CYP27C1: variants seen among roughly 807,000 people sequenced by gnomAD.
CYP27C1 encodes cytochrome P450 family 27 subfamily C member 1.
A neutral mutation model predicts 40.6 loss-of-function variants in CYP27C1; 29 were observed. The observed-to-expected ratio is 0.71, with a 90% confidence interval of 0.53 to 0.97. The LOEUF (loss-of-function observed/expected upper bound fraction) is 0.97. Ranked by LOEUF, CYP27C1 falls within the 50% of genes least tolerant of loss-of-function variation. The probability of loss-of-function intolerance (pLI) is 0.00; values close to 1 mark genes in which losing one functional copy is unlikely to be tolerated. For missense variants in CYP27C1, 390 were observed against 485.8 expected (o/e 0.80, Z 1.85); for synonymous variants, 198 against 186.8 (o/e 1.06, Z -0.49).
At chr2:127,202,097 T>C (rs1248157512) in intron 3 of CYP27C1, among the ~76,000 whole-genome samples, 2 of 151,590 alleles carry the variant, frequency 1.3e-5, no homozygotes, top group Non-Finnish European at 2.9e-5. Context: ...TTTTTTTTTT[T>C]ACACAAACAT....
chr2:127,194,103 C>T (rs888604494), intron 6 of CYP27C1, among the ~76,000 whole-genome samples: 8 of 152,200 alleles, frequency 5.3e-5, no homozygotes, highest in African/African-American at 1.9e-4. Context: ...ATTTGCAAAA[C>T]ACAAAGCCAA....
chr2:127,189,535 G>C (rs113681547), intron 8 of CYP27C1, among the ~76,000 whole-genome samples: 18,567 of 151,336 alleles, frequency 0.12, 1,209 homozygotes, highest in African/African-American at 0.14. Flanking sequence ...ACGGGTTGAT[G>C]GGTGCAGCAA....
intron 3 of CYP27C1, among the ~76,000 whole-genome samples, chr2:127,202,961 G>A (rs1368765895): frequency 1.3e-5 from 2 of 152,094 alleles, no homozygotes; most frequent in African/African-American, 2.4e-5. Flanking sequence ...GAGGTCAGGA[G>A]TTCGAGACCA....
chr2:127,204,485 AAAGG>A lies in CYP27C1; in HGVS notation c.474-918_474-915del, dbSNP rs369842924. ...GAAAGAAAGAAAGAAAGAAAGAAAGAAAGGAAGGAAGGAAGGAAGGAAAGAAAGA... is the reference window on the plus strand; with the variant it reads ...GAAAGAAAGAAAGAAAGAAAGAAAGAAAGGAAGGAAGGAAGGAAAGAAAGA... On this transcript the variant is annotated intron_variant, in intron 2 of 8. Transcript: ENST00000664447. 8.7e-3 allele frequency among the ~76,000 whole-genome samples: 526 copies of A among 60,220 alleles called. 58 individuals are homozygous for A. The highest frequency in any genetic ancestry group is 0.016 in the Admixed American group (70 of 4,332). 39.5% of individuals were successfully genotyped at this position (60,220 alleles called of 152,430 possible).
intron 1 of CYP27C1, among the ~76,000 whole-genome samples, chr2:127,213,143 A>C (rs11690049): frequency 0.18 from 26,931 of 152,078 alleles, 2,880 homozygotes; most frequent in East Asian, 0.29. Flanking sequence ...GAGAACTACA[A>C]ACCACTGCTC....
chr2:127,206,297 TTG>T (rs2104694751), intron 1 of CYP27C1, among the ~76,000 whole-genome samples: 1 of 142,638 alleles, frequency 7.0e-6, no homozygotes, highest in African/African-American at 3.0e-5. Flanking sequence ...TTCCGTTTGT[TTG>T]TTTGTTTGTT....
At chr2:127,203,195 C>T (rs1329988368) in intron 3 of CYP27C1, among the ~76,000 whole-genome samples, 177 bp downstream of exon 3, 2 of 151,254 alleles carry the variant, frequency 1.3e-5, no homozygotes, top group Non-Finnish European at 2.9e-5. Flanking sequence ...GTCTCAGTTT[C>T]CTCATTGGTC....
intron 2 of CYP27C1, among the ~76,000 whole-genome samples, chr2:127,204,524 A>AG (rs1683153820): frequency 7.4e-5 from 3 of 40,722 alleles, no homozygotes; most frequent in African/African-American, 2.7e-4. Flanking sequence ...AAGGAAAGAA[A>AG]GAAAGAAAGA....
rs189873616 is a variant in CYP27C1, at chr2:127,194,933, G to A, written c.1214+402C>T. Among the ~76,000 whole-genome samples, 15 of 150,866 alleles carry A rather than the reference G, an allele frequency of 9.9e-5. 1 individual carries two copies. The East Asian group carries it at 2.9e-3, about 29-fold the overall frequency. On this transcript the variant is annotated intron_variant, in intron 6 of 8. Coordinates refer to ENST00000664447, the MANE Select transcript of CYP27C1 (RefSeq NM_001367502.1). Reference sequence around the variant, plus strand: ...TTGGCTCCATCACCTAACTTCAAGCGATTCTCTTGCCCCAGCCTCCCAAGT... The same window carrying A: ...TTGGCTCCATCACCTAACTTCAAGCAATTCTCTTGCCCCAGCCTCCCAAGT...
intron 8 of CYP27C1, among the ~76,000 whole-genome samples, chr2:127,190,342 C>CTTTTTTTTTTTTTT (rs1241035422): frequency 1.7e-3 from 165 of 96,632 alleles, no homozygotes; most frequent in East Asian, 2.8e-3. Context: ...TTTTTTTTTT[C>CTTTTTTTTTTTTTT]TTTTTTTTTT....
chr2:127,194,718 T>A (rs2104678606), intron 6 of CYP27C1, among the ~76,000 whole-genome samples: 1 of 152,328 alleles, frequency 6.6e-6, no homozygotes, highest in Admixed American at 6.5e-5. Flanking sequence ...TCGATCTTGT[T>A]TCGTGTTATC....
rs780117712 is a variant in CYP27C1, at chr2:127,195,604, A to G, written c.1048-103T>C. The G allele has an allele frequency of 1.7e-6, 2 of 1,207,646 alleles. No individual in the cohort carries two copies. Among genetic ancestry groups the G allele is most frequent in the Non-Finnish European group, 2.3e-6 (2 of 862,944 alleles). 74.8% of individuals were successfully genotyped at this position (1,207,646 alleles called of 1,614,324 possible). ...AGTCCCCTGGGAATACACACAGCAC[A>G]AAGTCAAACTCATCCAATTCCATAT... On this transcript the variant is annotated intron_variant, in intron 5 of 8. Coordinates refer to ENST00000664447, the MANE Select transcript of CYP27C1 (RefSeq NM_001367502.1). This position sits in a 1 kb window ranked among gnomAD's most constrained non-coding sequence, Gnocchi z 6.2.
rs184827347 is a variant in CYP27C1, at chr2:127,208,295, C to G, written c.283-2205G>C. On this transcript the variant is annotated intron_variant, in intron 1 of 8. Coordinates refer to ENST00000664447, the MANE Select transcript of CYP27C1 (RefSeq NM_001367502.1). The surrounding 1 kb of genome is among the most constrained non-coding windows in gnomAD (Gnocchi z 5.2). ...AGCCACACGGGGAAGGGAACCCACT[C>G]CCCCCAGCCAAGGGAGGTGGTGAGT... Among the ~76,000 whole-genome samples the G allele has an allele frequency of 6.6e-6, 1 of 152,090 alleles. No homozygotes were observed. Among genetic ancestry groups the G allele is most frequent in the African/African-American group, 2.4e-5 (1 of 41,406 alleles).
intron 1 of CYP27C1, among the ~76,000 whole-genome samples, chr2:127,206,794 G>T (rs2104695174): frequency 6.6e-6 from 1 of 152,256 alleles, no homozygotes; most frequent in East Asian, 1.9e-4. Context: ...TGGACAGTCT[G>T]TAACGAGCCT....
chr2:127,216,145 G>T (rs531032755), intron 1 of CYP27C1, among the ~76,000 whole-genome samples: 2 of 152,126 alleles, frequency 1.3e-5, no homozygotes, highest in Admixed American at 1.3e-4. Flanking sequence ...TCTTCAAAAG[G>T]TTAAATATAG....
At chr2:127,191,225 C>T (rs567288514) in intron 8 of CYP27C1, among the ~76,000 whole-genome samples, 186 of 152,200 alleles carry the variant, frequency 1.2e-3, no homozygotes, top group African/African-American at 4.1e-3. Context: ...AGCCTGGCGA[C>T]AGAGCAAGAC....
chr2:127,198,786 T>G (rs1262730635), intron 5 of CYP27C1, among the ~76,000 whole-genome samples: 1 of 152,192 alleles, frequency 6.6e-6, no homozygotes, highest in Non-Finnish European at 1.5e-5. Context: ...CCTAGGTATG[T>G]GGTAGGCTAC....
In CYP27C1 at chr2:127,211,383, T is replaced by G. The variant is rs1352758425; in HGVS notation, c.283-5293A>C. ...AGTGTTTTTTTGTTTTTTTTTTTTT[T>G]TTTTTTTTTTTTTTTTTGAGATGGA... On this transcript the variant is annotated intron_variant, in intron 1 of 8. Coordinates refer to ENST00000664447, the MANE Select transcript of CYP27C1 (RefSeq NM_001367502.1). Among the ~76,000 whole-genome samples, 83 of 133,286 alleles carry G rather than the reference T, an allele frequency of 6.2e-4. 1 individual carries two copies. Among genetic ancestry groups the G allele is most frequent in the African/African-American group, 1.6e-3 (58 of 35,666 alleles). The allele number at this position is 133,286 out of a possible 152,430, so 87.4% of individuals were successfully genotyped here.
At position 127,203,566 on chromosome 2, in the gene CYP27C1, C is replaced by A. The variant is rs1407188722; in HGVS notation, c.479G>T (p.Gly160Val). The change falls in exon 3 of 9, where the codon GGT (glycine) becomes GTT (valine). Residue 160 changes from glycine to valine, a missense_variant. By Grantham distance (109) the Gly-to-Val change is moderately radical. Coordinates refer to ENST00000664447, the MANE Select transcript of CYP27C1 (RefSeq NM_001367502.1). ...GCTTCTCATCTTGAGCCACTGTTCACCCTCCCTAGAAGAATCAAGTGAGTT... is the reference window on the plus strand; with the variant it reads ...GCTTCTCATCTTGAGCCACTGTTCAACCTCCCTAGAAGAATCAAGTGAGTT... Reference protein sequence around the residue: ...GRATGLISAEGEQWLKMRSVL... With the variant: ...GRATGLISAEVEQWLKMRSVL... 4.3e-6 allele frequency: 7 copies of A among 1,613,178 alleles called. No individual in the cohort carries two copies. Among genetic ancestry groups the A allele is most frequent in the Non-Finnish European group, 5.1e-6 (6 of 1,179,802 alleles).
Sources: allele counts gnomAD v4.1 joint callset (sites outside exome capture counted in the v4.1 genomes callset), GRCh38; gene constraint gnomAD v4.1.1; non-coding constraint Gnocchi (gnomAD v3.1); transcripts MANE v1.5; gene names NCBI Gene and HGNC (gene_info 2026-07-23, HGNC 2026-07-21).